ESRRG: variants seen among roughly 807,000 people sequenced by gnomAD.
ESRRG encodes estrogen related receptor gamma, also known as estrogen-related receptor gamma.
ESRRG carries 13 observed loss-of-function variants against 44.0 expected under a neutral mutation model. The ratio of observed to expected loss-of-function variants is 0.30; its 90% CI spans 0.19 to 0.47. The LOEUF is 0.47. Among genes scored for constraint, ESRRG ranks in the 20% least tolerant of loss-of-function variants. ESRRG has a pLI of 1.00. For synonymous variants in ESRRG, 215 were observed against 214.6 expected, an observed-to-expected ratio of 1.00 and a Z score of -0.02; for missense variants, 395 against 580.6, an observed-to-expected ratio of 0.68 and a Z score of 3.29.
intron 1 of ESRRG, among the ~76,000 whole-genome samples, chr1:217,122,394 T>C (rs2092831261): frequency 6.6e-6 from 1 of 152,182 alleles, no homozygotes; most frequent in Non-Finnish European, 1.5e-5. Context: ...CTCCTATTAG[T>C]TATGTGATTT....
intron 2 of ESRRG, among the ~76,000 whole-genome samples, chr1:216,820,902 G>A (rs897306003): frequency 1.3e-5 from 2 of 152,094 alleles, no homozygotes; most frequent in African/African-American, 2.4e-5. Context: ...TCCTTCTCTT[G>A]TCTACTTATC....
intron 3 of ESRRG, among the ~76,000 whole-genome samples, chr1:216,603,542 C>T (rs1341962477): frequency 6.6e-6 from 1 of 152,154 alleles, no homozygotes; most frequent in Admixed American, 6.5e-5. Flanking sequence ...AAGTCGGAGA[C>T]ATAAGCAAAA....
At chr1:217,003,447 C>T (rs1381876031) in intron 1 of ESRRG, among the ~76,000 whole-genome samples, 1 of 151,454 alleles carries the variant, frequency 6.6e-6, no homozygotes, top group Non-Finnish European at 1.5e-5. Flanking sequence ...GAATCTGGGC[C>T]ACGTTTGTTT....
Position 216,676,682 on chromosome 1 carries a change from G to A in ESRRG, c.472+394C>T, listed in dbSNP as rs1425694543. Among the ~76,000 whole-genome samples the A allele has an allele frequency of 5.3e-5, 8 of 152,126 alleles. No individual in the cohort carries two copies. The East Asian group carries it at 1.5e-3, about 29-fold the overall frequency. ...ATGATTTTAATGCACACTCAAGTTT[G>A]GAAATCACTGGTCTAAAGTATTTAT... is the stretch of plus-strand genomic sequence containing the variant. On this transcript the variant is annotated intron_variant, in intron 2 of 6. Coordinates refer to ENST00000408911, the MANE Select transcript of ESRRG (RefSeq NM_001438.4).
At chr1:216,744,119 A>C (rs2091094511) in intron 2 of ESRRG, among the ~76,000 whole-genome samples, 1 of 152,164 alleles carries the variant, frequency 6.6e-6, no homozygotes, top group African/African-American at 2.4e-5. Context: ...TAAGAGAACA[A>C]AGCCATAGAG....
At chr1:216,774,567 G>A (rs954331057) in intron 2 of ESRRG, among the ~76,000 whole-genome samples, 10 of 151,860 alleles carry the variant, frequency 6.6e-5, no homozygotes, top group South Asian at 2.1e-4. Context: ...ATACCACTGC[G>A]TACTTTCCTA....
chr1:216,749,567 C>A (rs1258509370), intron 2 of ESRRG, among the ~76,000 whole-genome samples: 3 of 152,170 alleles, frequency 2.0e-5, no homozygotes, highest in African/African-American at 7.2e-5. Flanking sequence ...TGTTTAACAG[C>A]AGCTGTTTAA....
intron 5 of ESRRG, among the ~76,000 whole-genome samples, chr1:216,545,785 A>G (rs1317667998): frequency 6.6e-6 from 1 of 152,026 alleles, no homozygotes; most frequent in African/African-American, 2.4e-5. Flanking sequence ...CTTAATTCAA[A>G]TGTTCCCTGG....
chr1:217,052,299 T>A (rs2086202593), intron 1 of ESRRG, among the ~76,000 whole-genome samples: 2 of 152,156 alleles, frequency 1.3e-5, no homozygotes, highest in Admixed American at 1.3e-4. Flanking sequence ...CTGAGATGAT[T>A]CAAAACAGAT....
chr1:216,774,937 G>A (rs1312335558), intron 2 of ESRRG, among the ~76,000 whole-genome samples: 1 of 151,430 alleles, frequency 6.6e-6, no homozygotes, highest in East Asian at 1.9e-4. Context: ...GAGTAGCTGG[G>A]ACTACAGGTG....
At chr1:216,771,308 A>G (rs2093368534) in intron 2 of ESRRG, among the ~76,000 whole-genome samples, 1 of 152,172 alleles carries the variant, frequency 6.6e-6, no homozygotes, top group South Asian at 2.1e-4. Flanking sequence ...AAATACACAT[A>G]TGCTTATAAC....
chr1:216,895,199 G>T (rs2058277052), intron 2 of ESRRG, among the ~76,000 whole-genome samples: 1 of 152,160 alleles, frequency 6.6e-6, no homozygotes, highest in Non-Finnish European at 1.5e-5. Context: ...CACTGTGAAT[G>T]AAATACTGTT....
intron 1 of ESRRG, among the ~76,000 whole-genome samples, chr1:216,956,407 A>G (rs946309734): frequency 1.3e-5 from 2 of 152,050 alleles, no homozygotes; most frequent in African/African-American, 4.8e-5. Flanking sequence ...TGGGAAATCA[A>G]TTGCCTATAA....
intron 3 of ESRRG, among the ~76,000 whole-genome samples, chr1:216,650,651 A>G (rs1049798583): frequency 6.6e-6 from 1 of 152,168 alleles, no homozygotes; most frequent in Non-Finnish European, 1.5e-5. Context: ...AAGAAAACCA[A>G]AAATTCAATG....
intron 3 of ESRRG, among the ~76,000 whole-genome samples, chr1:216,614,099 T>C (rs1227788052): frequency 6.6e-6 from 1 of 152,190 alleles, no homozygotes; most frequent in Non-Finnish European, 1.5e-5. Flanking sequence ...GATTTATGCT[T>C]TCATCTAGCT....
chr1:216,846,802 G>T (rs1348353159), intron 2 of ESRRG, among the ~76,000 whole-genome samples: 4 of 151,952 alleles, frequency 2.6e-5, no homozygotes, highest in African/African-American at 9.7e-5. Context: ...GGAAAACTGA[G>T]GCCCAGATAA....
intron 5 of ESRRG, among the ~76,000 whole-genome samples, chr1:216,527,292 C>G (rs560131891): frequency 6.6e-6 from 1 of 152,244 alleles, no homozygotes; most frequent in South Asian, 2.1e-4. Context: ...CCTTCATCAT[C>G]CTTTTGGGGT....
At chr1:216,783,128 G>C (rs2093995596) in intron 2 of ESRRG, among the ~76,000 whole-genome samples, 1 of 151,996 alleles carries the variant, frequency 6.6e-6, no homozygotes, top group Admixed American at 6.6e-5. Flanking sequence ...GCAGGGGGAT[G>C]ATCCATATAA....
At chr1:216,937,490 G>A (rs921567444) in intron 2 of ESRRG, among the ~76,000 whole-genome samples, 2 of 152,250 alleles carry the variant, frequency 1.3e-5, no homozygotes, top group South Asian at 4.1e-4. Flanking sequence ...GAATAAATGC[G>A]GGGAGTATTC....
Sources: allele counts gnomAD v4.1 joint callset (sites outside exome capture counted in the v4.1 genomes callset), GRCh38; gene constraint gnomAD v4.1.1; transcripts MANE v1.5; gene names NCBI Gene and HGNC (gene_info 2026-07-23, HGNC 2026-07-21).